PSD2: variants seen among roughly 807,000 people sequenced by gnomAD.
PSD2 encodes PH and SEC7 domain-containing protein 2.
In PSD2, 38 loss-of-function variants were observed where a neutral mutation model predicts 69.8. That is an observed-to-expected ratio of 0.54 (90% CI 0.42 to 0.71). The LOEUF (loss-of-function observed/expected upper bound fraction) is 0.71, where lower values mean the gene tolerates loss of function less well. Among genes scored for constraint, PSD2 ranks in the 30% least tolerant of loss-of-function variants. The pLI, the probability that PSD2 is intolerant of heterozygous loss-of-function variation, is 0.00. For synonymous variants in PSD2, 412 were observed against 423.0 expected (o/e 0.97, Z 0.32); for missense variants, 943 against 1,014.5 (o/e 0.93, Z 0.96).
At chr5:139,835,296 A>G (rs1385197434) in intron 8 of PSD2, among the ~76,000 whole-genome samples, 1 of 150,998 alleles carries the variant, frequency 6.6e-6, no homozygotes, top group African/African-American at 2.4e-5. Context: ...TCACCCATCC[A>G]CCTGCTTGTT....
At chr5:139,789,992 G>C in the PSD2 span, among the ~76,000 whole-genome samples, 1 of 148,494 alleles carries the variant, frequency 6.7e-6, no homozygotes, top group African/African-American at 2.4e-5. Flanking sequence ...GCAGCACGGG[G>C]CCGGGCGGGC....
chr5:139,833,517 C>G (rs1002776887), intron 7 of PSD2, among the ~76,000 whole-genome samples, 185 bp from the exon 8 acceptor site: 1 of 152,188 alleles, frequency 6.6e-6, no homozygotes, highest in Non-Finnish European at 1.5e-5. Flanking sequence ...GCTTGAGAAT[C>G]AAGTACAGTT....
rs1408960017 is a variant in PSD2 at position 139,838,779 on chromosome 5, GT to G, written c.1968+9del. The G allele has an allele frequency of 4.4e-6, 7 of 1,607,976 alleles. No homozygotes were observed. The highest frequency in any genetic ancestry group is 3.9e-4 in the Middle Eastern group (2 of 5,078). On this transcript the variant is annotated splice_region_variant and intron_variant, in intron 13 of 14. Coordinates refer to ENST00000274710, the MANE Select transcript of PSD2 (RefSeq NM_032289.4). ...CACCACCCGCCTCTGCCAGGTACAT[GT>G]TCCTGGGTCAACATTTTGCCTCCCC...
chr5:139,835,919 G>A (rs1014066799), intron 9 of PSD2, among the ~76,000 whole-genome samples, 153 bp downstream of exon 9: 1 of 152,240 alleles, frequency 6.6e-6, no homozygotes, highest in African/African-American at 2.4e-5. Flanking sequence ...CACACCTGGT[G>A]TTGAATTCCC....
chr5:139,837,156 C>T lies in PSD2; in HGVS notation c.1595-12C>T. On this transcript the variant is annotated splice_polypyrimidine_tract_variant and intron_variant, in intron 10 of 14. Transcript: ENST00000274710. The surrounding 1 kb of genome is among the most constrained non-coding windows in gnomAD (Gnocchi z 5.0). Reference sequence around the variant, plus strand: ...GTGGCTGCAGCCACACTACCAGTGCCCTCCTCCCCAGCGCCCCGTGGGAGG... The same window carrying T: ...GTGGCTGCAGCCACACTACCAGTGCTCTCCTCCCCAGCGCCCCGTGGGAGG... The T allele has an allele frequency of 6.2e-7, 1 of 1,613,754 alleles. No individual in the cohort carries two copies. Among genetic ancestry groups the T allele is most frequent in the Non-Finnish European group, 8.5e-7 (1 of 1,179,762 alleles).
chr5:139,828,075 A>G (rs1240194520), intron 7 of PSD2, among the ~76,000 whole-genome samples: 2 of 152,114 alleles, frequency 1.3e-5, no homozygotes, highest in East Asian at 3.9e-4. Flanking sequence ...GGGTCAGCAA[A>G]TGAGCCTGGG....
intron 7 of PSD2, among the ~76,000 whole-genome samples, chr5:139,824,394 GTTTTTTTTT>G (rs3055525): frequency 8.4e-6 from 1 of 119,430 alleles, no homozygotes; most frequent in Non-Finnish European, 1.7e-5. Flanking sequence ...TCTCTCTCTT[GTTTTTTTTT>G]TTTTTTTTTT....
the PSD2 span, among the ~76,000 whole-genome samples, chr5:139,754,508 A>G: frequency 3.3e-5 from 5 of 150,144 alleles, no homozygotes; most frequent in South Asian, 8.6e-4. Flanking sequence ...AGCCTGGGCA[A>G]CATGGTGAGA....
the PSD2 span, among the ~76,000 whole-genome samples, chr5:139,789,943 C>G: frequency 6.6e-6 from 1 of 151,014 alleles, no homozygotes; most frequent in African/African-American, 2.4e-5. Flanking sequence ...GAGGGGTGGG[C>G]GGTGCGGATA....
chr5:139,764,621 C>G, the PSD2 span, among the ~76,000 whole-genome samples: 1 of 152,172 alleles, frequency 6.6e-6, no homozygotes, highest in Non-Finnish European at 1.5e-5. Context: ...CCCGGCGCCC[C>G]GCAGTGGGCA....
chr5:139,774,743 G>A, the PSD2 span, among the ~76,000 whole-genome samples: 1 of 152,204 alleles, frequency 6.6e-6, no homozygotes, highest in East Asian at 1.9e-4. Flanking sequence ...GCCCACCTCG[G>A]CCTCCCAAAG....
At chr5:139,749,496 C>T in the PSD2 span, among the ~76,000 whole-genome samples, 1 of 152,232 alleles carries the variant, frequency 6.6e-6, no homozygotes, top group Admixed American at 6.5e-5. Flanking sequence ...AACATCATCT[C>T]ACCATGGATC....
intron 1 of PSD2, among the ~76,000 whole-genome samples, chr5:139,799,157 T>C (rs1759603521): frequency 6.6e-6 from 1 of 152,154 alleles, no homozygotes; most frequent in African/African-American, 2.4e-5. Context: ...TGTCCTGTAG[T>C]AGGTGGTGGT....
intron 7 of PSD2, among the ~76,000 whole-genome samples, chr5:139,828,281 G>A (rs532240804): frequency 4.2e-4 from 64 of 152,206 alleles, no homozygotes; most frequent in Non-Finnish European, 7.5e-4. Flanking sequence ...GAGGCAAACA[G>A]AGAAGGAGGG....
chr5:139,798,929 C>T lies in PSD2; in HGVS notation c.-51+2954C>T, dbSNP rs1759598268. Among the ~76,000 whole-genome samples, 5 of 151,752 alleles carry T rather than the reference C, an allele frequency of 3.3e-5. No individual in the cohort carries two copies. In the South Asian group the frequency reaches 1.0e-3, roughly 32 times the overall value. On this transcript the variant is annotated intron_variant, in intron 1 of 14. Transcript: ENST00000274710. ...CATACATTGCATTTAGTTATTATGG[C>T]TCTTTAGTGTTTCAATCTGGATGAA...
At chr5:139,807,673 G>C (rs991126226) in intron 1 of PSD2, among the ~76,000 whole-genome samples, 1 of 152,254 alleles carries the variant, frequency 6.6e-6, no homozygotes, top group Admixed American at 6.5e-5. Flanking sequence ...CAGGTCTGCT[G>C]TTCTACTCTC....
intron 2 of PSD2, among the ~76,000 whole-genome samples, 166 bp from the exon 3 acceptor site, chr5:139,813,143 G>A (rs1760014357): frequency 6.6e-6 from 1 of 152,214 alleles, no homozygotes; most frequent in African/African-American, 2.4e-5. Flanking sequence ...TACCCAGCCT[G>A]GTGTCTGGCA....
In PSD2 at chr5:139,813,559, G is replaced by A. The variant is rs765788670; in HGVS notation, c.622G>A (p.Asp208Asn). The A allele has an allele frequency of 2.5e-6, 4 of 1,612,248 alleles. No individual in the cohort carries two copies. The South Asian group carries it at 4.4e-5, about 18-fold the overall frequency. ...CATTGGGGACATGGCGTTTGAGGGGGACATGGGGGCAGCTGGTGGTGATGG... is the reference window on the plus strand; with the variant it reads ...CATTGGGGACATGGCGTTTGAGGGGAACATGGGGGCAGCTGGTGGTGATGG... The part of the protein sequence containing the change: ...LGIGDMAFEG[D>N]MGAAGGDGEL... Residue 208 changes from aspartate to asparagine, a missense_variant, in exon 3 of 15, where the codon GAC becomes AAC. Physicochemically the swap from Asp to Asn is conservative, Grantham distance 23 (BLOSUM62 1). Transcript: ENST00000274710.
intron 9 of PSD2, among the ~76,000 whole-genome samples, chr5:139,835,975 A>C (rs926505279): frequency 6.6e-5 from 10 of 152,322 alleles, no homozygotes; most frequent in Non-Finnish European, 1.3e-4. Context: ...CAATGTTTGC[A>C]TTGTTACAGA....
Sources: gnomAD v4.1 joint callset for allele counts (sites outside exome capture counted in the v4.1 genomes callset) on GRCh38, gnomAD v4.1.1 for gene constraint, Gnocchi (gnomAD v3.1) non-coding constraint, MANE v1.5 for transcripts, NCBI Gene and HGNC (gene_info 2026-07-23, HGNC 2026-07-21) for gene names.